Variants in SUMF1 observed in about 807,000 individuals in gnomAD.
The protein encoded by SUMF1 is sulfatase modifying factor 1.
A neutral mutation model predicts 47.6 loss-of-function variants in SUMF1; 48 were observed. That is an observed-to-expected ratio of 1.01 (90% CI 0.80 to 1.28). The LOEUF is 1.28. SUMF1 is among the 50% of genes most tolerant of loss of function. The pLI, the probability that SUMF1 is intolerant of heterozygous loss-of-function variation, is 0.00. For synonymous variants in SUMF1, 230 were observed against 192.1 expected, an observed-to-expected ratio of 1.20 and a Z score of -1.63; for missense variants, 571 against 485.4, an observed-to-expected ratio of 1.18 and a Z score of -1.66.
intron 9 of SUMF1, among the ~76,000 whole-genome samples, chr3:4,067,777 G>C (rs1439350098): frequency 1.3e-5 from 2 of 152,092 alleles, no homozygotes; most frequent in Non-Finnish European, 2.9e-5. Context: ...CAAGAGAGTG[G>C]GGAGTTTTGG....
intron 8 of SUMF1, among the ~76,000 whole-genome samples, chr3:4,069,620 G>A (rs1695470117): frequency 6.6e-6 from 1 of 152,038 alleles, no homozygotes; most frequent in Non-Finnish European, 1.5e-5. Context: ...TGAGGTGAGT[G>A]TGTTATGAAT....
At chr3:4,311,222 G>A (rs1483797671) in intron 8 of SUMF1, among the ~76,000 whole-genome samples, 2 of 152,080 alleles carry the variant, frequency 1.3e-5, no homozygotes, top group African/African-American at 2.4e-5. Context: ...TTTAGTGTAG[G>A]GTTTTGCACT....
At chr3:4,128,602 T>A (rs1255236913) in intron 8 of SUMF1, among the ~76,000 whole-genome samples, 2 of 152,130 alleles carry the variant, frequency 1.3e-5, no homozygotes, top group Admixed American at 6.6e-5. Context: ...TCTAGACCTA[T>A]CACTAAAGTA....
intron 8 of SUMF1, chr3:4,316,507 A>C: frequency 6.3e-7 from 1 of 1,596,322 alleles, no homozygotes; most frequent in Non-Finnish European, 8.5e-7. Context: ...CTCAATGTCA[A>C]CCATTCTACG....
At chr3:4,339,417 G>T (rs1699222479) in intron 8 of SUMF1, among the ~76,000 whole-genome samples, 1 of 152,214 alleles carries the variant, frequency 6.6e-6, no homozygotes, top group Admixed American at 6.5e-5. Flanking sequence ...AAGCAGGCTG[G>T]GCAAAGGAGG....
chr3:4,080,996 T>C (rs1044746443), intron 8 of SUMF1, among the ~76,000 whole-genome samples: 13 of 152,276 alleles, frequency 8.5e-5, no homozygotes, highest in African/African-American at 2.9e-4. Context: ...ATGGGAATAA[T>C]GATGATCTGG....
At chr3:4,221,417 GTGT>G (rs1559582218) in intron 8 of SUMF1, among the ~76,000 whole-genome samples, 54 of 12,906 alleles carry the variant, frequency 4.2e-3, no homozygotes, top group African/African-American at 7.2e-3. Flanking sequence ...TTTTTGGGGT[GTGT>G]GTGTGTGTGT....
chr3:4,086,808 A>G (rs1465837619), intron 8 of SUMF1, among the ~76,000 whole-genome samples: 2 of 152,016 alleles, frequency 1.3e-5, no homozygotes, highest in Non-Finnish European at 2.9e-5. Flanking sequence ...AGTCTCATGA[A>G]ATCTGACGGT....
chr3:4,165,751 G>A (rs1054490745), intron 8 of SUMF1, among the ~76,000 whole-genome samples: 9 of 151,816 alleles, frequency 5.9e-5, no homozygotes, highest in African/African-American at 2.4e-5. Flanking sequence ...TTCAAAGTTT[G>A]TGGGTCAAAT....
At chr3:4,275,411 A>G (rs976324608) in intron 8 of SUMF1, among the ~76,000 whole-genome samples, 2 of 152,154 alleles carry the variant, frequency 1.3e-5, no homozygotes, top group African/African-American at 4.8e-5. Flanking sequence ...ACTTCCAGAT[A>G]TAACATTCAA....
chr3:4,467,013 C>A lies in SUMF1; in HGVS notation c.233G>T (p.Gly78Val). 1 of 1,594,276 alleles carries A rather than the reference C, an allele frequency of 6.3e-7. No individual in the cohort carries two copies. The highest frequency in any genetic ancestry group is 8.5e-7 in the Non-Finnish European group (1 of 1,172,210). Reference protein sequence around the residue: ...HRYSREANAPGPVPGERQLAH... With the variant: ...HRYSREANAPVPVPGERQLAH... ...GAGTTGCCGCTCTCCGGGTACGGGGCCCGGAGCGTTAGCCTCCCGCGAGTA... is the reference window on the plus strand; with the variant it reads ...GAGTTGCCGCTCTCCGGGTACGGGGACCGGAGCGTTAGCCTCCCGCGAGTA... The change falls in exon 1 of 9, where the codon GGC becomes GTC. Residue 78 changes from glycine (G) to valine (V), a missense_variant. Coordinates refer to ENST00000272902, the MANE Select transcript of SUMF1 (RefSeq NM_182760.4).
intron 8 of SUMF1, chr3:4,313,473 G>A: frequency 6.2e-7 from 1 of 1,613,888 alleles, no homozygotes. Context: ...TACCTAAGTT[G>A]GCACTTTTTG....
intron 8 of SUMF1, among the ~76,000 whole-genome samples, chr3:4,226,929 C>T (rs1222395590): frequency 1.3e-5 from 2 of 152,094 alleles, no homozygotes; most frequent in Admixed American, 1.3e-4. Context: ...ATTAAAATCA[C>T]TCTGGGGGCT....
chr3:4,445,010 C>T (rs1239360632), intron 3 of SUMF1, among the ~76,000 whole-genome samples: 1 of 152,162 alleles, frequency 6.6e-6, no homozygotes, highest in African/African-American at 2.4e-5. Flanking sequence ...GGACTCAGGA[C>T]AGTTGCTTAA....
intron 8 of SUMF1, among the ~76,000 whole-genome samples, chr3:4,258,774 A>G (rs1389804124): frequency 7.1e-6 from 1 of 140,264 alleles, no homozygotes; most frequent in Non-Finnish European, 1.6e-5. Context: ...TATATACCCA[A>G]AGGACTATAA....
chr3:4,217,693 A>AT (rs1249592580), intron 8 of SUMF1, among the ~76,000 whole-genome samples: 1 of 144,174 alleles, frequency 6.9e-6, no homozygotes, highest in Non-Finnish European at 1.5e-5. Flanking sequence ...TGTAGGTTTT[A>AT]TTTTTTTATT....
At chr3:4,339,620 G>A (rs1559232620) in intron 8 of SUMF1, among the ~76,000 whole-genome samples, 1 of 152,126 alleles carries the variant, frequency 6.6e-6, no homozygotes, top group Non-Finnish European at 1.5e-5. Flanking sequence ...GATGTAGACT[G>A]CCCCCTGGAA....
At chr3:4,146,667 CTAA>C (rs1033585553) in intron 8 of SUMF1, among the ~76,000 whole-genome samples, 1 of 151,870 alleles carries the variant, frequency 6.6e-6, no homozygotes, top group African/African-American at 2.4e-5. Context: ...GGTATATCTC[CTAA>C]TGTTATCCCT....
chr3:4,101,233 A>C (rs1032920455), intron 8 of SUMF1, among the ~76,000 whole-genome samples: 1 of 152,154 alleles, frequency 6.6e-6, no homozygotes, highest in Non-Finnish European at 1.5e-5. Context: ...CAAGATATGA[A>C]AACAACCTGT....
Sources: allele counts gnomAD v4.1 joint callset (sites outside exome capture counted in the v4.1 genomes callset), GRCh38; gene constraint gnomAD v4.1.1; transcripts MANE v1.5; gene names NCBI Gene and HGNC (gene_info 2026-07-23, HGNC 2026-07-21).